INPP4B: variants seen among roughly 807,000 people sequenced by gnomAD.
INPP4B encodes the protein inositol polyphosphate-4-phosphatase type II B.
In INPP4B, 55 loss-of-function variants were observed where a neutral mutation model predicts 122.5. The ratio of observed to expected loss-of-function variants is 0.45; its 90% CI spans 0.36 to 0.56. The LOEUF (loss-of-function observed/expected upper bound fraction) is 0.56. Ranked by LOEUF, INPP4B falls within the 20% of genes least tolerant of loss-of-function variation. The pLI is 0.00. For missense variants in INPP4B, 1,000 were observed against 1,097.7 expected, an observed-to-expected ratio of 0.91 and a Z score of 1.26; for synonymous variants, 403 against 388.7, an observed-to-expected ratio of 1.04 and a Z score of -0.43.
chr4:142,433,721 C>T (rs1809829780), intron 3 of INPP4B, among the ~76,000 whole-genome samples: 3 of 152,106 alleles, frequency 2.0e-5, no homozygotes, highest in Admixed American at 2.0e-4. Flanking sequence ...TGTTCACTCA[C>T]CAGTGATAGG....
At chr4:142,409,351 G>T (rs1251742085) in intron 5 of INPP4B, among the ~76,000 whole-genome samples, 1 of 152,114 alleles carries the variant, frequency 6.6e-6, no homozygotes, top group Non-Finnish European at 1.5e-5. Context: ...AAATTAGCTG[G>T]CCATGGTGGT....
chr4:142,823,805 G>A (rs142436129), intron 1 of INPP4B, among the ~76,000 whole-genome samples: 11 of 152,266 alleles, frequency 7.2e-5, no homozygotes, highest in Non-Finnish European at 1.3e-4. Flanking sequence ...AGAACAGTCA[G>A]TCCTTGTGAT....
intron 25 of INPP4B, among the ~76,000 whole-genome samples, chr4:142,033,584 T>C (rs1364269588): frequency 3.3e-5 from 5 of 152,038 alleles, no homozygotes; most frequent in African/African-American, 1.2e-4. Flanking sequence ...CTTTCATACA[T>C]GGTTTTCCCT....
intron 17 of INPP4B, among the ~76,000 whole-genome samples, chr4:142,146,719 G>T (rs1810958477): frequency 6.6e-6 from 1 of 152,162 alleles, no homozygotes; most frequent in Non-Finnish European, 1.5e-5. Context: ...AACCCTGGGA[G>T]GAAGGCACAA....
chr4:142,528,151 C>T (rs571873605), intron 2 of INPP4B, among the ~76,000 whole-genome samples: 37 of 152,152 alleles, frequency 2.4e-4, no homozygotes, highest in African/African-American at 7.7e-4. Flanking sequence ...AGTACTTCTA[C>T]TACATGGTGA....
At chr4:142,125,732 T>C (rs2152764034) in intron 18 of INPP4B, among the ~76,000 whole-genome samples, 1 of 152,220 alleles carries the variant, frequency 6.6e-6, no homozygotes, top group Admixed American at 6.6e-5. Context: ...TGCCTGTATC[T>C]TCCTGTCCCA....
At chr4:142,611,628 T>C (rs1448052521) in intron 2 of INPP4B, among the ~76,000 whole-genome samples, 2 of 142,122 alleles carry the variant, frequency 1.4e-5, no homozygotes, top group Non-Finnish European at 3.0e-5. Context: ...GTTCTGTTTT[T>C]TCTTTTTTCT....
intron 2 of INPP4B, among the ~76,000 whole-genome samples, chr4:142,502,733 A>T (rs1823548569): frequency 6.6e-6 from 1 of 151,886 alleles, no homozygotes; most frequent in African/African-American, 2.4e-5. Context: ...CACCTGCCCC[A>T]TTCTCCCAAA....
intron 1 of INPP4B, among the ~76,000 whole-genome samples, chr4:142,829,475 C>T (rs1178832621): frequency 6.6e-6 from 1 of 152,136 alleles, no homozygotes; most frequent in African/African-American, 2.4e-5. Context: ...CAAAGCCTCC[C>T]TTCTTCTTAA....
At chr4:142,402,540 C>T (rs978731960) in intron 7 of INPP4B, among the ~76,000 whole-genome samples, 7 of 152,148 alleles carry the variant, frequency 4.6e-5, no homozygotes, top group African/African-American at 1.2e-4. Flanking sequence ...TCTCTCTATA[C>T]GGTATGCAAT....
At chr4:142,838,651 A>G (rs1783115463) in intron 1 of INPP4B, among the ~76,000 whole-genome samples, 1 of 152,192 alleles carries the variant, frequency 6.6e-6, no homozygotes, top group African/African-American at 2.4e-5. Flanking sequence ...AAGACACACC[A>G]TGGCATAAAC....
intron 1 of INPP4B, among the ~76,000 whole-genome samples, chr4:142,781,127 G>T (rs1774754035): frequency 6.6e-6 from 1 of 152,330 alleles, no homozygotes; most frequent in Admixed American, 6.5e-5. Flanking sequence ...GGGTGTCAAT[G>T]AAAGAGTGGT....
chr4:142,645,442 T>C (rs1580606913), intron 2 of INPP4B, among the ~76,000 whole-genome samples: 1 of 152,182 alleles, frequency 6.6e-6, no homozygotes, highest in African/African-American at 2.4e-5. Flanking sequence ...TTTAGCTGGA[T>C]ATGTGCCTTT....
intron 25 of INPP4B, among the ~76,000 whole-genome samples, chr4:142,077,172 A>C (rs2152508667): frequency 6.6e-6 from 1 of 152,088 alleles, no homozygotes; most frequent in Non-Finnish European, 1.5e-5. Flanking sequence ...TAAATTCAAT[A>C]TTTACTGAAA....
intron 11 of INPP4B, among the ~76,000 whole-genome samples, chr4:142,255,213 A>G (rs1735101988): frequency 6.6e-6 from 1 of 152,106 alleles, no homozygotes; most frequent in African/African-American, 2.4e-5. Context: ...AGCGCTAAAC[A>G]TGGAAAGGAA....
chr4:142,070,528 G>A (rs527386715), intron 25 of INPP4B, among the ~76,000 whole-genome samples: 21 of 152,270 alleles, frequency 1.4e-4, no homozygotes, highest in Admixed American at 1.4e-3. Context: ...ATTCAATGAG[G>A]AAAAGAGGAA....
intron 2 of INPP4B, among the ~76,000 whole-genome samples, chr4:142,635,087 C>A (rs190730648): frequency 2.0e-5 from 3 of 151,914 alleles, no homozygotes; most frequent in African/African-American, 7.2e-5. Flanking sequence ...ATACATGTGG[C>A]CAACAAACAT....
intron 7 of INPP4B, 135 bp downstream of exon 7, chr4:142,402,803 A>C: frequency 1.6e-6 from 1 of 619,500 alleles, no homozygotes. Context: ...GGAAAAAAAC[A>C]ACAAACGATA....
intron 3 of INPP4B, among the ~76,000 whole-genome samples, chr4:142,435,363 T>C (rs1810211202): frequency 6.6e-6 from 1 of 151,982 alleles, no homozygotes; most frequent in Non-Finnish European, 1.5e-5. Flanking sequence ...AAACTTGCCA[T>C]TCCTACCACA....
Sources: allele counts gnomAD v4.1 joint callset (sites outside exome capture counted in the v4.1 genomes callset), GRCh38; gene constraint gnomAD v4.1.1; transcripts MANE v1.5; gene names NCBI Gene and HGNC (gene_info 2026-07-23, HGNC 2026-07-21).